IMMP2L: variants seen among roughly 807,000 people sequenced by gnomAD.
IMMP2L encodes mitochondrial inner membrane protease subunit 2.
Under a neutral mutation model 19.3 loss-of-function variants are expected in IMMP2L, and 18 were observed. That is an observed-to-expected ratio of 0.93 (90% CI 0.64 to 1.38). The LOEUF (loss-of-function observed/expected upper bound fraction) is 1.38. IMMP2L is among the 40% of genes most tolerant of loss of function. The probability of loss-of-function intolerance (pLI) is 0.00; values close to 1 mark genes in which losing one functional copy is unlikely to be tolerated. For synonymous variants in IMMP2L, 76 were observed against 73.0 expected (o/e 1.04, Z -0.21); for missense variants, 233 against 218.2 (o/e 1.07, Z -0.43).
At chr7:111,068,376 G>C (rs1226461624) in intron 3 of IMMP2L, among the ~76,000 whole-genome samples, 1 of 152,046 alleles carries the variant, frequency 6.6e-6, no homozygotes, top group Non-Finnish European at 1.5e-5. Context: ...CACAGTTCCA[G>C]ACTGATATAA....
intron 4 of IMMP2L, among the ~76,000 whole-genome samples, chr7:110,950,850 A>ATATATG (rs1263694004): frequency 1.6e-5 from 2 of 123,188 alleles, no homozygotes; most frequent in Non-Finnish European, 3.2e-5. Flanking sequence ...GCATATATAT[A>ATATATG]TATATATATA....
At chr7:110,833,447 AAAAAAAAAAG>A (rs763928839) in intron 5 of IMMP2L, among the ~76,000 whole-genome samples, 1 of 150,344 alleles carries the variant, frequency 6.7e-6, no homozygotes, top group Non-Finnish European at 1.5e-5. Flanking sequence ...CTCAAAAAAA[AAAAAAAAAAG>A]AGAGAGAGAG....
intron 5 of IMMP2L, among the ~76,000 whole-genome samples, chr7:110,698,512 C>A (rs1312119054): frequency 6.6e-6 from 1 of 152,174 alleles, no homozygotes; most frequent in Non-Finnish European, 1.5e-5. Flanking sequence ...AGAATACCCT[C>A]CCCTCTACCT....
intron 5 of IMMP2L, among the ~76,000 whole-genome samples, chr7:110,831,456 A>C (rs1488090456): frequency 6.6e-6 from 1 of 152,166 alleles, no homozygotes; most frequent in African/African-American, 2.4e-5. Flanking sequence ...TGGGAATGGG[A>C]ATCTTGAGAA....
intron 5 of IMMP2L, among the ~76,000 whole-genome samples, chr7:110,860,710 A>G (rs573140939): frequency 6.6e-6 from 1 of 152,242 alleles, no homozygotes; most frequent in South Asian, 2.1e-4. Context: ...TTAAATTTAT[A>G]GCTCCCTTTA....
At chr7:110,775,644 A>T (rs1799332926) in intron 5 of IMMP2L, among the ~76,000 whole-genome samples, 1 of 152,074 alleles carries the variant, frequency 6.6e-6, no homozygotes, top group African/African-American at 2.4e-5. Context: ...TTTCATCTTC[A>T]AGTTTCGTTC....
intron 3 of IMMP2L, among the ~76,000 whole-genome samples, chr7:111,156,793 A>C (rs944053922): frequency 6.6e-6 from 1 of 151,910 alleles, no homozygotes; most frequent in Non-Finnish European, 1.5e-5. Flanking sequence ...AGTATTTCCT[A>C]CATGCTTGGA....
chr7:110,819,016 G>A (rs1205569241), intron 5 of IMMP2L, among the ~76,000 whole-genome samples: 3 of 150,838 alleles, frequency 2.0e-5, no homozygotes, highest in Non-Finnish European at 3.0e-5. Context: ...TGTAAATGAC[G>A]ACTTAATATG....
chr7:110,945,085 G>A (rs927863441), intron 4 of IMMP2L, among the ~76,000 whole-genome samples: 4 of 151,850 alleles, frequency 2.6e-5, no homozygotes, highest in Admixed American at 1.3e-4. Flanking sequence ...CAAAGGCAAC[G>A]GTATGCAAAA....
rs1036202046 is a variant in IMMP2L at position 111,525,865 on chromosome 7, C to G, written c.-2-4416G>C. Among the ~76,000 whole-genome samples the G allele has an allele frequency of 2.6e-5, 4 of 152,002 alleles. No homozygotes were observed. In the South Asian group the frequency reaches 8.3e-4, roughly 32 times the overall value. ...TTACAATATACCAAGGAAGACTGCC[C>G]TTCAACAATTATTTCCAATGGATGA... is the stretch of plus-strand genomic sequence containing the variant. On this transcript the variant is annotated intron_variant, in intron 1 of 5. Transcript: ENST00000405709.
intron 3 of IMMP2L, among the ~76,000 whole-genome samples, chr7:111,008,834 T>C (rs1237027382): frequency 2.0e-5 from 3 of 152,046 alleles, no homozygotes; most frequent in Non-Finnish European, 4.4e-5. Flanking sequence ...AGATACAATA[T>C]GGGCTAGTCT....
intron 3 of IMMP2L, among the ~76,000 whole-genome samples, chr7:111,239,592 C>A (rs974858226): frequency 6.6e-6 from 1 of 151,944 alleles, no homozygotes; most frequent in South Asian, 2.1e-4. Flanking sequence ...CCACATGATG[C>A]AGAATATCAA....
rs950873677 is a variant in IMMP2L, at chr7:111,047,992, C to T, written c.240-84427G>A. 7.2e-5 allele frequency among the ~76,000 whole-genome samples: 11 copies of T among 151,876 alleles called. No homozygotes were observed. In the East Asian group the frequency reaches 2.1e-3, roughly 30 times the overall value. Reference sequence around the variant, plus strand: ...TGGTGGCTCACGCTTGTAATCCCAGCACTTTGGGAGGCCGAGGCAGGCAGA... The same window carrying T: ...TGGTGGCTCACGCTTGTAATCCCAGTACTTTGGGAGGCCGAGGCAGGCAGA... On this transcript the variant is annotated intron_variant, in intron 3 of 5. Coordinates refer to ENST00000405709, the MANE Select transcript of IMMP2L (RefSeq NM_032549.4).
At chr7:111,284,798 G>A (rs960671640) in intron 3 of IMMP2L, among the ~76,000 whole-genome samples, 3 of 152,146 alleles carry the variant, frequency 2.0e-5, no homozygotes, top group Admixed American at 6.6e-5. Flanking sequence ...GGGGTTTTTG[G>A]AATACTACAA....
At chr7:111,499,055 C>A (rs1291787926) in intron 2 of IMMP2L, among the ~76,000 whole-genome samples, 1 of 152,160 alleles carries the variant, frequency 6.6e-6, no homozygotes, top group Non-Finnish European at 1.5e-5. Flanking sequence ...CATGATTCCA[C>A]AATTTAGGCT....
At chr7:110,851,699 C>T (rs536776382) in intron 5 of IMMP2L, among the ~76,000 whole-genome samples, 1 of 152,234 alleles carries the variant, frequency 6.6e-6, no homozygotes, top group African/African-American at 2.4e-5. Flanking sequence ...AAAATTATGA[C>T]ACAAAAGCCT....
At chr7:110,754,590 T>C (rs942603822) in intron 5 of IMMP2L, among the ~76,000 whole-genome samples, 4 of 152,128 alleles carry the variant, frequency 2.6e-5, no homozygotes, top group African/African-American at 4.8e-5. Flanking sequence ...AACTTGGATT[T>C]TGAATTTTGG....
chr7:111,276,684 G>C (rs190506328), intron 3 of IMMP2L, among the ~76,000 whole-genome samples: 3 of 140,912 alleles, frequency 2.1e-5, no homozygotes, highest in Non-Finnish European at 4.6e-5. Context: ...GGGAAAAAAA[G>C]CTAGCTGCAT....
chr7:111,294,749 C>T (rs1359153407), intron 3 of IMMP2L, among the ~76,000 whole-genome samples: 3 of 151,816 alleles, frequency 2.0e-5, no homozygotes, highest in African/African-American at 4.8e-5. Context: ...ATGCAAGTGA[C>T]AGTTTCTATA....
Sources: gnomAD v4.1 joint callset for allele counts (sites outside exome capture counted in the v4.1 genomes callset) on GRCh38, gnomAD v4.1.1 for gene constraint, MANE v1.5 for transcripts, NCBI Gene and HGNC (gene_info 2026-07-23, HGNC 2026-07-21) for gene names.